Variants in KIZ observed in about 807,000 individuals in gnomAD.
KIZ encodes centrosomal protein kizuna.
KIZ carries 68 observed loss-of-function variants against 79.6 expected under a neutral mutation model. That is an observed-to-expected ratio of 0.85 (90% CI 0.70 to 1.05). The LOEUF (loss-of-function observed/expected upper bound fraction) is 1.05, where lower values mean the gene tolerates loss of function less well. KIZ is among the 50% of genes least tolerant of loss of function. KIZ has a pLI of 0.00. For missense variants in KIZ, 797 were observed against 800.4 expected (o/e 1.00, Z 0.05); for synonymous variants, 280 against 281.8 (o/e 0.99, Z 0.06).
chr20:21,176,584 A>T (rs1389919472), intron 6 of KIZ, among the ~76,000 whole-genome samples: 5 of 151,302 alleles, frequency 3.3e-5, no homozygotes, highest in Non-Finnish European at 5.9e-5. Context: ...AAAAAAAAAA[A>T]ATACAGTTTG....
At chr20:21,217,966 T>C (rs538716343) in intron 9 of KIZ, among the ~76,000 whole-genome samples, 7 of 152,282 alleles carry the variant, frequency 4.6e-5, no homozygotes, top group Admixed American at 4.6e-4. Flanking sequence ...ACTTTCAGTC[T>C]GTTCTGGTGG....
At chr20:21,199,025 G>T (rs1221771281) in intron 6 of KIZ, among the ~76,000 whole-genome samples, 2 of 152,062 alleles carry the variant, frequency 1.3e-5, no homozygotes, top group Non-Finnish European at 2.9e-5. Context: ...ATACTATTTG[G>T]CATAAACCAC....
chr20:21,212,981 A>G (rs940797364), intron 7 of KIZ, among the ~76,000 whole-genome samples: 1 of 152,208 alleles, frequency 6.6e-6, no homozygotes, highest in African/African-American at 2.4e-5. Flanking sequence ...GAAATAGAGG[A>G]AAAGCCCCTG....
At chr20:21,173,288 A>G (rs1324047573) in intron 6 of KIZ, among the ~76,000 whole-genome samples, 1 of 152,150 alleles carries the variant, frequency 6.6e-6, no homozygotes, top group Admixed American at 6.6e-5. Flanking sequence ...TAAAAGAACC[A>G]GCTGGAGGGC....
At chr20:21,153,566 A>C (rs533543808) in intron 4 of KIZ, among the ~76,000 whole-genome samples, 6 of 152,126 alleles carry the variant, frequency 3.9e-5, no homozygotes, top group Admixed American at 6.5e-5. Context: ...TGTAAGAAGA[A>C]GACTTAAAAA....
intron 6 of KIZ, among the ~76,000 whole-genome samples, chr20:21,188,642 C>T (rs180728871): frequency 2.6e-5 from 4 of 151,500 alleles, no homozygotes; most frequent in Admixed American, 2.6e-4. Flanking sequence ...TAGCTGGCTC[C>T]ATAATAAGCC....
At chr20:21,170,709 G>T (rs1215104171) in intron 6 of KIZ, among the ~76,000 whole-genome samples, 1 of 151,956 alleles carries the variant, frequency 6.6e-6, no homozygotes, top group Non-Finnish European at 1.5e-5. Flanking sequence ...GATCTTATTC[G>T]TTCTTTCTAA....
In KIZ at chr20:21,153,558, TAAG is replaced by T. The variant is rs373746694; in HGVS notation, c.405+7912_405+7914del. Reference sequence around the variant, plus strand: ...CTACATTTGTCATGGTGGCAACATGTAAGAAGAAGACTTAAAAATCACAATGGC... The same window carrying T: ...CTACATTTGTCATGGTGGCAACATGTAAGAAGACTTAAAAATCACAATGGC... On this transcript the variant is annotated intron_variant, in intron 4 of 12. Coordinates refer to ENST00000619189, the MANE Select transcript of KIZ (RefSeq NM_018474.6). Among the ~76,000 whole-genome samples, 503 of 152,338 alleles carry T rather than the reference TAAG, an allele frequency of 3.3e-3. 2 individuals carry two copies. The highest frequency in any genetic ancestry group is 0.012 in the African/African-American group (484 of 41,582).
chr20:21,136,552 G>T lies in KIZ; in HGVS notation c.315G>T (p.Lys105Asn). The T allele has an allele frequency of 6.5e-7, 1 of 1,536,722 alleles. No homozygotes were observed. The highest frequency in any genetic ancestry group is 8.7e-7 in the Non-Finnish European group (1 of 1,144,582). The change falls in exon 3 of 13, where the codon AAG (lysine) becomes AAT (asparagine). Residue 105 changes from lysine (K) to asparagine (N), a missense_variant and splice_region_variant. Coordinates refer to ENST00000619189, the MANE Select transcript of KIZ (RefSeq NM_018474.6). The part of the protein sequence containing the change: ...TTNTEKLQKL[K>N]LEYETQIKKM... ...ATACAGAGAAGCTTCAAAAACTGAA[G>T]GTGACTTCCTGTTTTTTACTGTGTT...
rs1178232011 is a variant in KIZ, at chr20:21,162,909, G to A, written c.1102G>A (p.Glu368Lys). 2 of 1,613,580 alleles carry A rather than the reference G, an allele frequency of 1.2e-6. No individual in the cohort carries two copies. The highest frequency in any genetic ancestry group is 1.7e-6 in the Non-Finnish European group (2 of 1,179,760). ...QKPFRKMQEE[E>K]EESWSTSSDL... Reference sequence around the variant, plus strand: ...GCCCTTCAGAAAAATGCAGGAAGAGGAGGAGGAAAGTTGGAGCACCAGCAG... The same window carrying A: ...GCCCTTCAGAAAAATGCAGGAAGAGAAGGAGGAAAGTTGGAGCACCAGCAG... Residue 368 changes from glutamate (E) to lysine (K), a missense_variant, in exon 6 of 13, where the codon GAG becomes AAG. By Grantham distance (56) the Glu-to-Lys change is moderately conservative (BLOSUM62 1). Coordinates refer to ENST00000619189, the MANE Select transcript of KIZ (RefSeq NM_018474.6).
At chr20:21,153,230 A>G (rs1276205943) in intron 4 of KIZ, among the ~76,000 whole-genome samples, 1 of 152,172 alleles carries the variant, frequency 6.6e-6, no homozygotes, top group East Asian at 1.9e-4. Context: ...CACCACCATC[A>G]TTACCATTGT....
chr20:21,201,847 A>G (rs1186637844), intron 6 of KIZ, among the ~76,000 whole-genome samples: 3 of 152,222 alleles, frequency 2.0e-5, no homozygotes, highest in Non-Finnish European at 1.5e-5. Context: ...TTGTAGAGCC[A>G]TGGGCGAAGC....
chr20:21,129,505 C>T (rs756401055), intron 1 of KIZ, among the ~76,000 whole-genome samples: 31 of 152,020 alleles, frequency 2.0e-4, no homozygotes, highest in Middle Eastern at 3.2e-3. Context: ...GAGGCAGAGG[C>T]GGGTGGATCA....
chr20:21,207,331 A>G (rs2035867131), intron 7 of KIZ, among the ~76,000 whole-genome samples: 1 of 152,002 alleles, frequency 6.6e-6, no homozygotes, highest in Non-Finnish European at 1.5e-5. Flanking sequence ...AACATTTCAA[A>G]CATACATATA....
At chr20:21,220,830 G>C (rs1042794209) in intron 9 of KIZ, among the ~76,000 whole-genome samples, 1 of 152,212 alleles carries the variant, frequency 6.6e-6, no homozygotes, top group African/African-American at 2.4e-5. Flanking sequence ...AGGATGTCCG[G>C]ATCAATTAAA....
At chr20:21,216,937 T>C (rs2036316590) in intron 9 of KIZ, among the ~76,000 whole-genome samples, 1 of 152,192 alleles carries the variant, frequency 6.6e-6, no homozygotes, top group African/African-American at 2.4e-5. Context: ...TCATATACTT[T>C]CTTTATAAGA....
At chr20:21,137,386 G>A (rs73900193) in intron 3 of KIZ, among the ~76,000 whole-genome samples, 15,598 of 151,702 alleles carry the variant, frequency 0.1, 1,469 homozygotes, top group African/African-American at 0.25. Flanking sequence ...CTGGTCAGGT[G>A]TTGTCCAATG....
At chr20:21,234,773 T>TAAAAA (rs537068910) in intron 11 of KIZ, among the ~76,000 whole-genome samples, 1 of 97,200 alleles carries the variant, frequency 1.0e-5, no homozygotes, top group African/African-American at 3.8e-5. Flanking sequence ...CCACTGGACC[T>TAAAAA]AAAAAAAAAA....
chr20:21,147,961 T>TTGTGTGTGTGTGTGTGTGTGTGTGTG (rs61333547), intron 4 of KIZ, among the ~76,000 whole-genome samples: 5 of 141,036 alleles, frequency 3.5e-5, no homozygotes, highest in Non-Finnish European at 1.5e-5. Flanking sequence ...CTCCTGGAAT[T>TTGTGTGTGTGTGTGTGTGTGTGTGTG]TGTGTGTGTG....
Sources: gnomAD v4.1 joint callset for allele counts (sites outside exome capture counted in the v4.1 genomes callset) on GRCh38, gnomAD v4.1.1 for gene constraint, MANE v1.5 for transcripts, NCBI Gene and HGNC (gene_info 2026-07-23, HGNC 2026-07-21) for gene names.